Variants in MAP4 observed in about 807,000 individuals in gnomAD.
MAP4 encodes the protein microtubule-associated protein 4.
In MAP4, 76 loss-of-function variants were observed where a neutral mutation model predicts 170.2. That is an observed-to-expected ratio of 0.45 (90% CI 0.37 to 0.54). The LOEUF (loss-of-function observed/expected upper bound fraction) is 0.54. Ranked by LOEUF, MAP4 falls within the 20% of genes least tolerant of loss-of-function variation. MAP4 has a pLI of 0.00. For missense variants in MAP4, 2,506 were observed against 2,748.0 expected (o/e 0.91, Z 1.97); for synonymous variants, 909 against 994.5 (o/e 0.91, Z 1.62).
At chr3:47,974,438 T>G in intron 3 of MAP4, 1 of 979,662 alleles carries the variant, frequency 1.0e-6, no homozygotes, top group Non-Finnish European at 1.2e-6. Context: ...CAAAAAACAA[T>G]GTATATCTCA....
chr3:47,957,666 A>C (rs2100068641), intron 3 of MAP4, among the ~76,000 whole-genome samples: 2 of 152,130 alleles, frequency 1.3e-5, no homozygotes, highest in Non-Finnish European at 2.9e-5. Flanking sequence ...GAAATGCAGA[A>C]ATGGGCTCAT....
Position 47,910,743 on chromosome 3 carries a change from G to A in MAP4, c.3678C>T (p.Ser1226=), listed in dbSNP as rs1221364399. 3 of 1,536,008 alleles carry A rather than the reference G, an allele frequency of 2.0e-6. No individual in the cohort carries two copies. The South Asian group carries it at 3.6e-5, about 18-fold the overall frequency. Residue 1226 remains serine, a synonymous_variant, in exon 9 of 21, where the codon TCC becomes TCT. Coordinates refer to ENST00000683076, the MANE Select transcript of MAP4 (RefSeq NM_001385682.1). The part of the protein sequence containing the change: ...GKSKKFKNNY[S]TQPARMERKE... ...TCCTCTCCATTCTAGCAGGCTGTGT[G>A]GAATAATTATTTTTAAACTTTTTGC... is the stretch of plus-strand genomic sequence containing the variant.
intron 10 of MAP4, chr3:47,892,259 CAG>C: frequency 6.5e-7 from 1 of 1,536,364 alleles, no homozygotes; most frequent in Non-Finnish European, 8.7e-7. Flanking sequence ...CTCAAAAAAG[CAG>C]AGCTTGTTCT....
At chr3:47,987,173 C>A (rs1397247594) in intron 2 of MAP4, among the ~76,000 whole-genome samples, 1 of 152,120 alleles carries the variant, frequency 6.6e-6, no homozygotes, top group Non-Finnish European at 1.5e-5. Flanking sequence ...ATTTCTTAAC[C>A]CTGAGAAACT....
At chr3:48,080,111 G>A (rs1448767896) in intron 1 of MAP4, among the ~76,000 whole-genome samples, 2 of 152,220 alleles carry the variant, frequency 1.3e-5, no homozygotes, top group Non-Finnish European at 2.9e-5. Flanking sequence ...TAGGTGCAAA[G>A]TTGAGATTAG....
At chr3:47,994,485 G>A (rs1341988472) in intron 2 of MAP4, among the ~76,000 whole-genome samples, 1 of 152,182 alleles carries the variant, frequency 6.6e-6, no homozygotes, top group Non-Finnish European at 1.5e-5. Context: ...CTTTAACTGT[G>A]CATTGTTTCC....
At chr3:48,030,187 G>T (rs1352245751) in intron 1 of MAP4, among the ~76,000 whole-genome samples, 1 of 150,872 alleles carries the variant, frequency 6.6e-6, no homozygotes, top group Non-Finnish European at 1.5e-5. Context: ...CTAAGAATTT[G>T]ATTTCAGTCT....
At chr3:47,952,652 A>G (rs2100065148) in intron 3 of MAP4, among the ~76,000 whole-genome samples, 5 of 151,434 alleles carry the variant, frequency 3.3e-5, no homozygotes, top group Admixed American at 2.0e-4. Flanking sequence ...AAATAAATAA[A>G]TAAATTAAAA....
At chr3:47,983,489 C>T (rs2100086639) in intron 2 of MAP4, among the ~76,000 whole-genome samples, 2 of 152,198 alleles carry the variant, frequency 1.3e-5, no homozygotes, top group Middle Eastern at 6.8e-3. Flanking sequence ...CAGGTTCAAG[C>T]GATTCTCATG....
intron 1 of MAP4, among the ~76,000 whole-genome samples, chr3:48,083,900 A>G (rs1029916644): frequency 1.4e-5 from 2 of 146,218 alleles, no homozygotes; most frequent in African/African-American, 5.1e-5. Flanking sequence ...TAATTTTTGT[A>G]TTTTAGTAGA....
In MAP4 at chr3:47,916,748, A is replaced by T; in HGVS notation, c.1079T>A (p.Ile360Lys). The change falls in exon 7 of 21, where the codon ATA (isoleucine) becomes AAA (lysine). Residue 360 changes from isoleucine to lysine, a missense_variant. Physicochemically the swap from Ile to Lys is moderately radical, Grantham distance 102. Coordinates refer to ENST00000683076, the MANE Select transcript of MAP4 (RefSeq NM_001385682.1). ...CTTGGAAGGGGCTAAGTCCATTTTT[A>T]TAGGAGATGCCCTCTCTGTTTCTTT... is the stretch of plus-strand genomic sequence containing the variant. ...LLKETERASP[I>K]KMDLAPSKDM... 5 of 1,613,754 alleles carry T rather than the reference A, an allele frequency of 3.1e-6. No homozygotes were observed. The highest frequency in any genetic ancestry group is 4.2e-6 in the Non-Finnish European group (5 of 1,179,932).
chr3:48,028,318 T>C (rs2100114146), intron 1 of MAP4, among the ~76,000 whole-genome samples: 1 of 151,338 alleles, frequency 6.6e-6, no homozygotes, highest in African/African-American at 2.4e-5. Context: ...TTTGCAGGAG[T>C]TTAAGTACGA....
intron 1 of MAP4, among the ~76,000 whole-genome samples, chr3:48,055,154 CA>C (rs891656175): frequency 1.5e-4 from 23 of 151,948 alleles, no homozygotes; most frequent in African/African-American, 5.6e-4. Context: ...TATATCAATA[CA>C]AATGGCAGTT....
At chr3:47,929,613 G>T (rs976350632) in intron 3 of MAP4, among the ~76,000 whole-genome samples, 1 of 89,494 alleles carries the variant, frequency 1.1e-5, no homozygotes, top group African/African-American at 4.4e-5. Context: ...TAGCTCACTT[G>T]CTAACTTATT....
At chr3:48,025,903 A>AAATAATAATAATAATAATAATAAT (rs10645414) in intron 1 of MAP4, among the ~76,000 whole-genome samples, 6 of 140,268 alleles carry the variant, frequency 4.3e-5, no homozygotes, top group East Asian at 2.1e-4. Flanking sequence ...TCTGCCTCAA[A>AAATAATAATAATAATAATAATAAT]AATAATAATA....
chr3:48,016,177 T>C (rs554056487), intron 1 of MAP4, among the ~76,000 whole-genome samples, 157 bp downstream of exon 1: 2 of 152,306 alleles, frequency 1.3e-5, no homozygotes, highest in East Asian at 3.9e-4. Context: ...TTAAAGAAGT[T>C]ATATTTTACT....
chr3:47,871,831 G>C, intron 13 of MAP4, 86 bp downstream of exon 13: 1 of 1,319,846 alleles, frequency 7.6e-7, no homozygotes, highest in Non-Finnish European at 1.1e-6. Flanking sequence ...AGCTGTTTGT[G>C]ATACTAGCTA....
chr3:47,872,163 C>T, intron 12 of MAP4, 63 bp from the exon 13 acceptor site: 1 of 1,363,236 alleles, frequency 7.3e-7, no homozygotes, highest in Non-Finnish European at 1.0e-6. Context: ...AGTCACGCTA[C>T]AAGATGCTTC....
chr3:48,026,022 A>G (rs547007332), intron 1 of MAP4, among the ~76,000 whole-genome samples: 87 of 151,724 alleles, frequency 5.7e-4, no homozygotes, highest in Non-Finnish European at 6.5e-4. Context: ...CTGAAGAGAA[A>G]TTTCTTTTAA....
Sources: gnomAD v4.1 joint callset for allele counts (sites outside exome capture counted in the v4.1 genomes callset) on GRCh38, gnomAD v4.1.1 for gene constraint, MANE v1.5 for transcripts, NCBI Gene and HGNC (gene_info 2026-07-23, HGNC 2026-07-21) for gene names.